The following ALOX5 variants were observed in gnomAD, a reference collection of about 807,000 sequenced individuals.
ALOX5 encodes the protein polyunsaturated fatty acid 5-lipoxygenase.
In ALOX5, 64 loss-of-function variants were observed where a neutral mutation model predicts 87.9. The ratio of observed to expected loss-of-function variants is 0.73; its 90% confidence interval spans 0.60 to 0.90. ALOX5 has a LOEUF of 0.90. Among genes scored for constraint, ALOX5 ranks in the 40% least tolerant of loss-of-function variants. The pLI, the probability that ALOX5 is intolerant of heterozygous loss-of-function variation, is 0.00. For missense variants in ALOX5, 822 were observed against 907.5 expected, an observed-to-expected ratio of 0.91 and a Z score of 1.21; for synonymous variants, 388 against 355.1, an observed-to-expected ratio of 1.09 and a Z score of -1.04.
intron 7 of ALOX5, among the ~76,000 whole-genome samples, chr10:45,437,396 T>C (rs1842091330): frequency 6.6e-6 from 1 of 152,246 alleles, no homozygotes; most frequent in Admixed American, 6.5e-5. Context: ...ATTTTGTATC[T>C]TGAGTGTAGA....
At chr10:45,374,533 G>T in intron 1 of ALOX5, 104 bp downstream of exon 1, 2 of 1,158,406 alleles carry the variant, frequency 1.7e-6, no homozygotes, top group Non-Finnish European at 2.3e-6. Flanking sequence ...CGTCGGGGCG[G>T]CCCGGACAGG....
chr10:45,383,782 A>G (rs1385780476), intron 2 of ALOX5, among the ~76,000 whole-genome samples: 1 of 152,204 alleles, frequency 6.6e-6, no homozygotes. Flanking sequence ...ATTTCTGAAC[A>G]TGGAGTTAAG....
intron 4 of ALOX5, among the ~76,000 whole-genome samples, chr10:45,414,945 G>T (rs1299205619): frequency 6.6e-6 from 1 of 152,244 alleles, no homozygotes; most frequent in Non-Finnish European, 1.5e-5. Flanking sequence ...ACAGGTGCTG[G>T]AGAGGATGTG....
At chr10:45,395,085 A>T (rs1415786907) in intron 2 of ALOX5, among the ~76,000 whole-genome samples, 3 of 152,202 alleles carry the variant, frequency 2.0e-5, no homozygotes, top group African/African-American at 4.8e-5. Context: ...ATACCATTTG[A>T]CCCAGCCATC....
rs937440774 is a variant in ALOX5, at chr10:45,443,503, C to T, written c.1539C>T (p.Val513=). 8.7e-6 allele frequency: 14 copies of T among 1,613,080 alleles called. No homozygotes were observed. Among genetic ancestry groups the T allele is most frequent in the Non-Finnish European group, 1.1e-5 (13 of 1,179,596 alleles). ...AGCTGCAGGACTTCGTGAACGATGT[C>T]TACGTGTACGGCATGCGGGGCCGCA... The part of the protein sequence containing the change: ...DPELQDFVND[V]YVYGMRGRKS... The change falls in exon 11 of 14, where the codon GTC becomes GTT. Residue 513 remains valine, a synonymous_variant. Transcript: ENST00000374391.
Position 45,443,471 on chromosome 10 carries a change from G to A in ALOX5, c.1507G>A (p.Asp503Asn). 2 of 1,612,940 alleles carry A rather than the reference G, an allele frequency of 1.2e-6. No homozygotes were observed. Among genetic ancestry groups the A allele is most frequent in the Non-Finnish European group, 1.7e-6 (2 of 1,179,496 alleles). Residue 503 changes from aspartate (D) to asparagine (N), a missense_variant, in exon 11 of 14, where the codon GAC (aspartate) becomes AAC (asparagine). Transcript: ENST00000374391. Reference protein sequence around the residue: ...YYEGDQVVEEDPELQDFVNDV... With the variant: ...YYEGDQVVEENPELQDFVNDV... ...CGAGGGCGACCAGGTGGTGGAGGAG[G>A]ACCCGGAGCTGCAGGACTTCGTGAA...
Position 45,406,591 on chromosome 10 carries a change from C to G in ALOX5, c.432-5600C>G, listed in dbSNP as rs373911723. ...TAGTTTTCTTCATGCAGGTCCTTCA[C>G]CTTTCTAGCTACTCTACATTTAGCA... On this transcript the variant is annotated intron_variant, in intron 3 of 13. Transcript: ENST00000374391. 8.5e-5 allele frequency among the ~76,000 whole-genome samples: 13 copies of G among 152,300 alleles called. 2 individuals are homozygous for G. The highest frequency in any genetic ancestry group is 2.6e-4 in the Admixed American group (4 of 15,296).
chr10:45,426,579 GT>G (rs1841713266), intron 6 of ALOX5, among the ~76,000 whole-genome samples: 1 of 152,220 alleles, frequency 6.6e-6, no homozygotes, highest in African/African-American at 2.4e-5. Context: ...TTGTATCCCT[GT>G]TGTTGGTATT....
chr10:45,396,246 T>C (rs1217846541), intron 3 of ALOX5, among the ~76,000 whole-genome samples: 1 of 152,236 alleles, frequency 6.6e-6, no homozygotes, highest in African/African-American at 2.4e-5. Context: ...TTCTTATGTC[T>C]TCTTATAACA....
In ALOX5 at chr10:45,430,428, GA is replaced by G. The variant is rs147149186; in HGVS notation, c.981+1674del. ...TGAGGCTGATGGAAAAAAAGAGATA[GA>G]AAAAAAAAATGCAAGATTCGGAATA... On this transcript the variant is annotated intron_variant, in intron 7 of 13. Coordinates refer to ENST00000374391, the MANE Select transcript of ALOX5 (RefSeq NM_000698.5). Among the ~76,000 whole-genome samples the G allele has an allele frequency of 5.2e-3, 765 of 147,084 alleles. 13 individuals are homozygous for G. In the East Asian group the frequency reaches 0.055, roughly 11 times the overall value.
At chr10:45,444,446 C>T (rs907178097) in intron 13 of ALOX5, 160 bp downstream of exon 13, 2 of 1,005,618 alleles carry the variant, frequency 2.0e-6, no homozygotes, top group Non-Finnish European at 2.8e-6. Flanking sequence ...GCCACCAGGT[C>T]CCCCGGCCTC....
intron 2 of ALOX5, among the ~76,000 whole-genome samples, chr10:45,382,955 T>C (rs1392038880): frequency 6.6e-6 from 1 of 152,248 alleles, no homozygotes; most frequent in Admixed American, 6.5e-5. Flanking sequence ...GCCCCTCTTT[T>C]TGTCAGTGGG....
At chr10:45,393,411 T>C (rs1372350447) in intron 2 of ALOX5, among the ~76,000 whole-genome samples, 4 of 152,202 alleles carry the variant, frequency 2.6e-5, no homozygotes, top group Non-Finnish European at 5.9e-5. Flanking sequence ...CAACCATTCA[T>C]GCTAAAAACT....
chr10:45,375,661 CT>C (rs951398571), intron 1 of ALOX5, among the ~76,000 whole-genome samples: 35 of 152,312 alleles, frequency 2.3e-4, no homozygotes, highest in Admixed American at 2.0e-3. Context: ...AAAAACTACT[CT>C]TTTTCTGGAT....
At chr10:45,419,037 G>A (rs1175360746) in intron 4 of ALOX5, among the ~76,000 whole-genome samples, 3 of 152,184 alleles carry the variant, frequency 2.0e-5, no homozygotes, top group African/African-American at 7.2e-5. Context: ...GGATGGAGCC[G>A]CCCTCTCCCC....
intron 2 of ALOX5, among the ~76,000 whole-genome samples, chr10:45,389,376 C>T (rs923707278): frequency 4.6e-5 from 7 of 152,168 alleles, no homozygotes; most frequent in East Asian, 1.9e-4. Flanking sequence ...AGAGCAACTC[C>T]GAGACACATA....
chr10:45,443,575 G>A, intron 11 of ALOX5, 38 bp downstream of exon 11: 2 of 1,598,744 alleles, frequency 1.3e-6, no homozygotes, highest in Middle Eastern at 1.8e-4. Flanking sequence ...CGGCTCCCCC[G>A]CAGTCGGCAG....
rs76735482 is a variant in ALOX5 at position 45,427,179 on chromosome 10, C to T, written c.835-1439C>T. 4.5e-3 allele frequency among the ~76,000 whole-genome samples: 679 copies of T among 152,338 alleles called. 14 individuals are homozygous for T. In the East Asian group the frequency reaches 0.059, roughly 13 times the overall value. On this transcript the variant is annotated intron_variant, in intron 6 of 13. Coordinates refer to ENST00000374391, the MANE Select transcript of ALOX5 (RefSeq NM_000698.5). ...CAGGCATTGGCCCCAAATCTCAGGC[C>T]TCCTATTCCCAGTATCACCTTCACC...
intron 1 of ALOX5, among the ~76,000 whole-genome samples, chr10:45,379,230 G>C (rs1456658731): frequency 6.6e-6 from 1 of 152,046 alleles, no homozygotes. Flanking sequence ...GTCCCTGTTA[G>C]CTCCTCCCAC....
Sources: gnomAD v4.1 joint callset for allele counts (sites outside exome capture counted in the v4.1 genomes callset) on GRCh38, gnomAD v4.1.1 for gene constraint, MANE v1.5 for transcripts, NCBI Gene and HGNC (gene_info 2026-07-23, HGNC 2026-07-21) for gene names.